Variants in TMPRSS9 observed in about 807,000 individuals in gnomAD.
TMPRSS9 encodes transmembrane protease serine 9.
TMPRSS9 carries 113 observed loss-of-function variants against 111.4 expected under a neutral mutation model. The observed-to-expected ratio is 1.01, with a 90% CI of 0.87 to 1.19. TMPRSS9 has a LOEUF of 1.19. Among genes scored for constraint, TMPRSS9 ranks in the 50% most tolerant of loss-of-function variants. The pLI, the probability that TMPRSS9 is intolerant of heterozygous loss-of-function variation, is 0.00. For synonymous variants in TMPRSS9, 805 were observed against 659.1 expected, an observed-to-expected ratio of 1.22 and a Z score of -3.39; for missense variants, 1,803 against 1,513.1, an observed-to-expected ratio of 1.19 and a Z score of -3.18.
At chr19:2,418,347 T>TTCCCTCCC (rs1373744365) in intron 13 of TMPRSS9, among the ~76,000 whole-genome samples, 1 of 24,706 alleles carries the variant, frequency 4.0e-5, no homozygotes, top group Non-Finnish European at 6.1e-5. Flanking sequence ...TTCCCTCCCT[T>TTCCCTCCC]TCCCTCCCTC....
chr19:2,372,016 C>T (rs537951772), intron 1 of TMPRSS9, among the ~76,000 whole-genome samples: 16 of 152,270 alleles, frequency 1.1e-4, no homozygotes, highest in African/African-American at 3.1e-4. Flanking sequence ...GGATTATAGG[C>T]GCCCGCCACC....
Position 2,413,747 on chromosome 19 carries a change from C to CT in TMPRSS9, c.1305dup (p.Leu436SerfsTer28), listed in dbSNP as rs1319930353. Reference sequence around the variant, plus strand: ...TCTGCGAGGAGCCCTCTGGCCGGTTCTTTCTGGCTGGCATCGTGAGCTGGG... The same window carrying CT: ...TCTGCGAGGAGCCCTCTGGCCGGTTCTTTTCTGGCTGGCATCGTGAGCTGGG... On this transcript the variant is annotated frameshift_variant, in exon 10 of 18. Transcript: ENST00000648592. LOFTEE classifies it high-confidence loss of function. The CT allele has an allele frequency of 5.3e-5, 85 of 1,613,738 alleles. No homozygotes were observed. The highest frequency in any genetic ancestry group is 7.1e-5 in the Non-Finnish European group (84 of 1,179,900).
chr19:2,370,420 C>CA lies in TMPRSS9; in HGVS notation c.-26+10081dup, dbSNP rs1307653420. Among the ~76,000 whole-genome samples the CA allele has an allele frequency of 5.1e-3, 360 of 70,740 alleles. 2 individuals are homozygous for CA. The highest frequency in any genetic ancestry group is 0.026 in the East Asian group (67 of 2,588). 46.4% of individuals were successfully genotyped at this position (70,740 alleles called of 152,430 possible). On this transcript the variant is annotated intron_variant, in intron 1 of 17. Coordinates refer to the TMPRSS9 transcript ENST00000649857. Reference sequence around the variant, plus strand: ...TGGGTGATAGAGTGAGACTCTGTCTCAAAAAAAAAAAAAAAAAAAAAGTGG... The same window carrying CA: ...TGGGTGATAGAGTGAGACTCTGTCTCAAAAAAAAAAAAAAAAAAAAAAGTGG...
intron 1 of TMPRSS9, among the ~76,000 whole-genome samples, chr19:2,393,977 C>A (rs1039653053): frequency 6.8e-6 from 1 of 146,316 alleles, no homozygotes; most frequent in Non-Finnish European, 1.5e-5. Context: ...CCGGGTTGGG[C>A]GGATCATGAG....
At chr19:2,405,676 G>A in intron 7 of TMPRSS9, 131 bp downstream of exon 8, 2 of 972,122 alleles carry the variant, frequency 2.1e-6, no homozygotes, top group Non-Finnish European at 2.8e-6. Flanking sequence ...TTTCTTTCTT[G>A]CTTTTGCTGT....
chr19:2,395,448 G>A (rs1016298754), intron 1 of TMPRSS9, among the ~76,000 whole-genome samples: 1 of 151,414 alleles, frequency 6.6e-6, no homozygotes, highest in African/African-American at 2.4e-5. Context: ...AAACAAGGCC[G>A]GGCGCGGTGG....
intron 6 of TMPRSS9, among the ~76,000 whole-genome samples, chr19:2,403,513 G>T: frequency 6.6e-6 from 1 of 152,130 alleles, no homozygotes; most frequent in East Asian, 1.9e-4. Flanking sequence ...CCTATAAGCA[G>T]TGGGGCGTGG....
chr19:2,389,181 C>T (rs1970534640), upstream of TMPRSS9, among the ~76,000 whole-genome samples: 2 of 150,120 alleles, frequency 1.3e-5, no homozygotes. Context: ...TCAAGCGATT[C>T]TCCTGCCTCA....
chr19:2,418,058 T>C lies in TMPRSS9; in HGVS notation c.2074T>C (p.Cys692Arg), dbSNP rs764796222. The C allele has an allele frequency of 7.4e-6, 12 of 1,612,354 alleles. No homozygotes were observed. The highest frequency in any genetic ancestry group is 1.7e-4 in the Middle Eastern group (1 of 6,058). ...CGTGGGCATCATAGACCAGAAAACC[T>C]GTAGTGTGCTCTACAACTTCTCCCT... Residue 692 changes from cysteine to arginine, a missense_variant, in exon 13 of 18, where the codon TGT (cysteine) becomes CGT (arginine). Physicochemically the swap from Cys to Arg is radical, Grantham distance 180 (BLOSUM62 -3). Coordinates refer to ENST00000648592, the Ensembl canonical transcript of TMPRSS9.
intron 7 of TMPRSS9, among the ~76,000 whole-genome samples, chr19:2,406,261 G>A (rs542697056): frequency 2.7e-5 from 4 of 150,916 alleles, no homozygotes; most frequent in Admixed American, 1.3e-4. Flanking sequence ...CTCGTGATCC[G>A]CCCACCTCGG....
At chr19:2,393,155 C>G (rs1272303482) in intron 1 of TMPRSS9, among the ~76,000 whole-genome samples, 1 of 152,136 alleles carries the variant, frequency 6.6e-6, no homozygotes, top group Non-Finnish European at 1.5e-5. Flanking sequence ...GCAGCGGCAA[C>G]CGGCTTGGGG....
chr19:2,408,943 C>T (rs941452684), intron 8 of TMPRSS9, among the ~76,000 whole-genome samples: 6 of 149,444 alleles, frequency 4.0e-5, no homozygotes, highest in Non-Finnish European at 7.4e-5. Flanking sequence ...GAGCCAAGAT[C>T]GCACCACTGG....
In TMPRSS9 at chr19:2,403,082, G is replaced by C. The variant is rs747453894; in HGVS notation, c.557G>C (p.Gly186Ala). 1.1e-5 allele frequency: 17 copies of C among 1,606,722 alleles called. No homozygotes were observed. In the South Asian group the frequency reaches 1.8e-4, roughly 17 times the overall value. Reference sequence around the variant, plus strand: ...AAAGTCGGTTCTTTTCTGTCCTCAGGCCGCTGTCCAGGGAACTCCTTTTCC... The same window carrying C: ...AAAGTCGGTTCTTTTCTGTCCTCAGCCCGCTGTCCAGGGAACTCCTTTTCC... Residue 186 changes from glycine to alanine, a missense_variant and splice_region_variant, in exon 6 of 18, where the codon GGC becomes GCC. Gly to Ala is a moderately conservative substitution (Grantham distance 60, BLOSUM62 0). Transcript: ENST00000648592.
intron 15 of TMPRSS9, 126 bp from the exon 17 acceptor site, chr19:2,424,876 G>A (rs761324366): frequency 1.9e-4 from 236 of 1,227,006 alleles, no homozygotes; most frequent in Non-Finnish European, 2.3e-4. Flanking sequence ...TTCCCAGACC[G>A]ACAGCCAGAG....
Position 2,391,237 on chromosome 19 carries a change from C to CAAAAAAAAAAAAAAAAAA in TMPRSS9, c.142+1315_142+1332dup, listed in dbSNP as rs10650164. On this transcript the variant is annotated intron_variant, in intron 1 of 17. Coordinates refer to ENST00000648592, the Ensembl canonical transcript of TMPRSS9. The stretch of plus-strand genomic sequence containing the variant: ...CCTGGGCAACAGAGCAATTCCATCT[C>CAAAAAAAAAAAAAAAAAA]AAAAAAAAAAAAAAAAAAAAAAGTT... 2.3e-4 allele frequency among the ~76,000 whole-genome samples: 12 copies of CAAAAAAAAAAAAAAAAAA among 53,006 alleles called. 1 individual carries two copies. Among genetic ancestry groups the CAAAAAAAAAAAAAAAAAA allele is most frequent in the African/African-American group, 1.1e-3 (10 of 8,964 alleles). 34.8% of individuals were successfully genotyped at this position (53,006 alleles called of 152,430 possible). A position where few individuals can be genotyped will look rare whatever the true frequency, so the allele number is the denominator to read the frequency against.
chr19:2,414,058 C>T (rs781710084), intron 10 of TMPRSS9, 40 bp downstream of exon 11: 3 of 1,482,968 alleles, frequency 2.0e-6, no homozygotes, highest in Non-Finnish European at 2.7e-6. Context: ...ATGTACGTGC[C>T]TATCTTGATT....
chr19:2,389,282 C>T (rs572670047), upstream of TMPRSS9, among the ~76,000 whole-genome samples: 4 of 151,472 alleles, frequency 2.6e-5, no homozygotes, highest in East Asian at 7.8e-4. Context: ...ACCATGTTGG[C>T]CAGGCTGGTC....
At chr19:2,379,627 TTC>T (rs780130305) in intron 1 of TMPRSS9, among the ~76,000 whole-genome samples, 1 of 140,188 alleles carries the variant, frequency 7.1e-6, no homozygotes, top group South Asian at 2.3e-4. Context: ...CTTTCTTTCT[TTC>T]TTTCTTTCTT....
In TMPRSS9 at chr19:2,408,510, ACCAGCCCTCTGCCTTTCGGCCGGCACAT is replaced by A; in HGVS notation, c.1005_1032del (p.Leu336CysfsTer17). The A allele has an allele frequency of 6.2e-7, 1 of 1,613,836 alleles. No individual in the cohort carries two copies. The highest frequency in any genetic ancestry group is 2.2e-5 in the East Asian group (1 of 44,870). On this transcript the variant is annotated frameshift_variant, in exon 8 of 18. Transcript: ENST00000648592. LOFTEE classifies it high-confidence loss of function. ...CTTTGACGTGGCTGTGCTGGAGCTG[ACCAGCCCTCTGCCTTTCGGCCGGCACAT>A]CCAGCCCGTGTGCCTCCCGGCTGCC...
Sources: gnomAD v4.1 joint callset for allele counts (sites outside exome capture counted in the v4.1 genomes callset) on GRCh38, gnomAD v4.1.1 for gene constraint, MANE v1.5 for transcripts, NCBI Gene and HGNC (gene_info 2026-07-23, HGNC 2026-07-21) for gene names.